The following CGRRF1 variants were observed in gnomAD, a reference collection of about 807,000 sequenced individuals.
CGRRF1 encodes the protein cell growth regulator with ring finger domain 1.
In CGRRF1, 32 loss-of-function variants were observed where a neutral mutation model predicts 37.2. The observed-to-expected ratio is 0.86, with a 90% CI of 0.65 to 1.16. The LOEUF (loss-of-function observed/expected upper bound fraction) is 1.16, where lower values mean the gene tolerates loss of function less well. Ranked by LOEUF, CGRRF1 falls within the 50% of genes most tolerant of loss-of-function variation. CGRRF1 has a pLI of 0.00. For synonymous variants in CGRRF1, 141 were observed against 140.3 expected (o/e 1.00, Z -0.04); for missense variants, 391 against 382.6 (o/e 1.02, Z -0.18).
chr14:54,520,384 C>T (rs1315443896), intron 1 of CGRRF1, among the ~76,000 whole-genome samples: 2 of 152,148 alleles, frequency 1.3e-5, no homozygotes, highest in East Asian at 1.9e-4. Flanking sequence ...CCATCCGCCT[C>T]GGCCTCCCAA....
In CGRRF1 at chr14:54,531,032, C is replaced by T; in HGVS notation, c.552C>T (p.Asp184=). ...TATTGACCTTAGCTGATGAGGATGA[C>T]CGGGAAATTTATGATATTGTAAGTA... ...VALLTLADED[D]REIYDIISMV... is the part of the protein sequence containing the mutation. The change falls in exon 4 of 6, where the codon GAC becomes GAT. Residue 184 remains aspartate, a synonymous_variant. Coordinates refer to ENST00000216420, the MANE Select transcript of CGRRF1 (RefSeq NM_006568.3). The T allele has an allele frequency of 6.2e-7, 1 of 1,609,262 alleles. No individual in the cohort carries two copies. Among genetic ancestry groups the T allele is most frequent in the East Asian group, 2.2e-5 (1 of 44,810 alleles).
intron 2 of CGRRF1, 146 bp downstream of exon 2, chr14:54,522,739 T>C (rs993594298): frequency 2.8e-6 from 2 of 707,370 alleles, no homozygotes; most frequent in Non-Finnish European, 4.6e-6. Context: ...CTGTACTGTA[T>C]ATGACAGATA....
chr14:54,522,396 C>A, intron 1 of CGRRF1, 58 bp from the exon 2 acceptor site: 2 of 1,226,920 alleles, frequency 1.6e-6, no homozygotes, highest in Non-Finnish European at 1.1e-6. Context: ...AGATTTTACA[C>A]ATAACATAAA....
In CGRRF1 at chr14:54,514,106, C is replaced by T. The variant is rs979019119; in HGVS notation, c.104+4043C>T. Among the ~76,000 whole-genome samples the T allele has an allele frequency of 4.6e-5, 7 of 152,286 alleles. No individual in the cohort carries two copies. In the South Asian group the frequency reaches 1.2e-3, roughly 27 times the overall value. On this transcript the variant is annotated intron_variant, in intron 1 of 5. Coordinates refer to ENST00000216420, the MANE Select transcript of CGRRF1 (RefSeq NM_006568.3). The stretch of plus-strand genomic sequence containing the variant: ...CCTAGGGTAGTTTCTTTGCAAAGGG[C>T]TATCCACACTTAAGAGCTACCTCTA...
chr14:54,515,321 T>A (rs1397014163), intron 1 of CGRRF1, among the ~76,000 whole-genome samples: 1 of 151,978 alleles, frequency 6.6e-6, no homozygotes, highest in Non-Finnish European at 1.5e-5. Flanking sequence ...CTCGATCGCT[T>A]GACCTCATGA....
chr14:54,511,137 T>G (rs1241660912), intron 1 of CGRRF1, among the ~76,000 whole-genome samples: 2 of 152,184 alleles, frequency 1.3e-5, no homozygotes, highest in Non-Finnish European at 1.5e-5. Context: ...AAAATAGCCT[T>G]TGGTCACATA....
chr14:54,518,692 T>C (rs916803156), intron 1 of CGRRF1, among the ~76,000 whole-genome samples: 3 of 152,226 alleles, frequency 2.0e-5, no homozygotes, highest in African/African-American at 7.2e-5. Context: ...ATTTCTCTAA[T>C]GATCAGTGAT....
chr14:54,519,514 G>T (rs377451251), intron 1 of CGRRF1, among the ~76,000 whole-genome samples: 2 of 149,764 alleles, frequency 1.3e-5, no homozygotes, highest in South Asian at 4.2e-4. Context: ...GCCTCCCAAA[G>T]TTCTGGGATT....
intron 1 of CGRRF1, among the ~76,000 whole-genome samples, chr14:54,521,010 T>G (rs973547113): frequency 1.3e-4 from 20 of 152,208 alleles, no homozygotes; most frequent in African/African-American, 4.8e-4. Context: ...GTAAATTGAG[T>G]AAAGTAGCTG....
chr14:54,520,215 TCTC>T (rs1186049709), intron 1 of CGRRF1, among the ~76,000 whole-genome samples: 3 of 152,082 alleles, frequency 2.0e-5, no homozygotes, highest in African/African-American at 4.8e-5. Flanking sequence ...TTCACGCCAT[TCTC>T]CTGCTTCAGC....
At chr14:54,510,205 C>T in intron 1 of CGRRF1, 142 bp downstream of exon 1, 1 of 633,802 alleles carries the variant, frequency 1.6e-6, no homozygotes, top group Non-Finnish European at 2.8e-6. Flanking sequence ...AGAACTCCGA[C>T]TTTCTCTGGG....
rs1199625880 is a variant in CGRRF1 at position 54,538,504 on chromosome 14, A to G, written c.*121A>G. 2 of 667,638 alleles carry G rather than the reference A, an allele frequency of 3.0e-6. No individual in the cohort carries two copies. Among genetic ancestry groups the G allele is most frequent in the Non-Finnish European group, 2.5e-6 (1 of 404,470 alleles). The allele number at this position is 667,638 out of a possible 1,614,324, so 41.4% of individuals were successfully genotyped here. A position where few individuals can be genotyped will look rare whatever the true frequency, so the allele number is the denominator to read the frequency against. On this transcript the variant is annotated 3_prime_UTR_variant, in exon 6 of 6. Coordinates refer to ENST00000216420, the MANE Select transcript of CGRRF1 (RefSeq NM_006568.3). Reference sequence around the variant, plus strand: ...TCAATGAAAATTATATTTTAACTTCATATTTGTATGGTACTTGGATGATAA... The same window carrying G: ...TCAATGAAAATTATATTTTAACTTCGTATTTGTATGGTACTTGGATGATAA...
chr14:54,531,207 T>C lies in CGRRF1; in HGVS notation c.570+157T>C, dbSNP rs112454224. 1,657 of 586,082 alleles carry C rather than the reference T, an allele frequency of 2.8e-3. 29 individuals carry two copies. In the African/African-American group the frequency reaches 0.029, roughly 10 times the overall value. The allele number at this position is 586,082 out of a possible 1,614,324, so 36.3% of individuals were successfully genotyped here. A position where few individuals can be genotyped will look rare whatever the true frequency, so the allele number is the denominator to read the frequency against. On this transcript the variant is annotated intron_variant, in intron 4 of 5. Transcript: ENST00000216420. ...TATTTGGTTTTTATATGTGAAACAG[T>C]ACCTTCAGATTATGACTCATTTCTT... is the stretch of plus-strand genomic sequence containing the variant.
rs527736271 is a variant in CGRRF1 at position 54,538,950 on chromosome 14, A to T, written c.*567A>T. 5 of 152,476 alleles carry T rather than the reference A, an allele frequency of 3.3e-5. No individual in the cohort carries two copies. Among genetic ancestry groups the T allele is most frequent in the African/African-American group, 7.2e-5 (3 of 41,586 alleles). The allele number at this position is 152,476 out of a possible 1,614,324, so 9.4% of individuals were successfully genotyped here. ...AGTTTTAAATATAGGTTCTTAAATC[A>T]TAAATACAAGATATAATTCTTGACT... On this transcript the variant is annotated 3_prime_UTR_variant, in exon 6 of 6. Transcript: ENST00000216420.
intron 4 of CGRRF1, chr14:54,537,036 T>C (rs2032611511): frequency 6.6e-6 from 1 of 152,152 alleles, no homozygotes; most frequent in Non-Finnish European, 1.5e-5. Flanking sequence ...ATTATATATT[T>C]TTCCAATAGC....
At chr14:54,513,293 A>G (rs2032158754) in intron 1 of CGRRF1, among the ~76,000 whole-genome samples, 1 of 152,254 alleles carries the variant, frequency 6.6e-6, no homozygotes, top group Non-Finnish European at 1.5e-5. Flanking sequence ...GTTGATTGTG[A>G]TAAAATTATT....
chr14:54,523,773 A>G (rs1317724530), intron 2 of CGRRF1, among the ~76,000 whole-genome samples: 4 of 152,234 alleles, frequency 2.6e-5, no homozygotes, highest in Non-Finnish European at 5.9e-5. Context: ...AATGAATTCA[A>G]TTTTGAACTT....
At chr14:54,516,902 G>A (rs2032227299) in intron 1 of CGRRF1, among the ~76,000 whole-genome samples, 1 of 152,058 alleles carries the variant, frequency 6.6e-6, no homozygotes, top group Non-Finnish European at 1.5e-5. Flanking sequence ...TTGTCTTCAA[G>A]ATTACTAATC....
chr14:54,521,456 C>CAG, intron 1 of CGRRF1, among the ~76,000 whole-genome samples: 1 of 149,924 alleles, frequency 6.7e-6, no homozygotes, highest in Admixed American at 6.6e-5. Context: ...AATGAAACTC[C>CAG]ATCTCAAAAA....
Sources: gnomAD v4.1 joint callset for allele counts (sites outside exome capture counted in the v4.1 genomes callset) on GRCh38, gnomAD v4.1.1 for gene constraint, MANE v1.5 for transcripts, NCBI Gene and HGNC (gene_info 2026-07-23, HGNC 2026-07-21) for gene names.